The following LRRC63 variants were observed in gnomAD, a reference collection of about 807,000 sequenced individuals.
LRRC63 encodes leucine rich repeat containing 63, also known as leucine-rich repeat-containing protein 63.
LRRC63 carries 40 observed loss-of-function variants against 49.5 expected under a neutral mutation model. The observed-to-expected ratio is 0.81, with a 90% CI of 0.63 to 1.05. LRRC63 has a LOEUF of 1.05. Among genes scored for constraint, LRRC63 ranks in the 50% least tolerant of loss-of-function variants. The probability of loss-of-function intolerance (pLI) is 0.00; values close to 1 mark genes in which losing one functional copy is unlikely to be tolerated. For missense variants in LRRC63, 636 were observed against 663.1 expected, an observed-to-expected ratio of 0.96 and a Z score of 0.45; for synonymous variants, 191 against 221.1, an observed-to-expected ratio of 0.86 and a Z score of 1.21.
intron 2 of LRRC63, among the ~76,000 whole-genome samples, chr13:46,221,784 G>A (rs928571123): frequency 8.6e-6 from 1 of 115,700 alleles, no homozygotes; most frequent in African/African-American, 4.2e-5. Flanking sequence ...AAGAAAGAAG[G>A]GGACATTGGT....
chr13:46,231,614 A>G (rs2046758594), intron 4 of LRRC63, among the ~76,000 whole-genome samples: 1 of 151,808 alleles, frequency 6.6e-6, no homozygotes, highest in East Asian at 1.9e-4. Flanking sequence ...GGTTCAAGTG[A>G]TTCTCCTGCC....
At chr13:46,269,315 G>A (rs1291467838) in intron 9 of LRRC63, among the ~76,000 whole-genome samples, 1 of 151,974 alleles carries the variant, frequency 6.6e-6, no homozygotes, top group South Asian at 2.1e-4. Flanking sequence ...GCAAGGAAAG[G>A]CAAATCAACC....
intron 7 of LRRC63, among the ~76,000 whole-genome samples, chr13:46,258,228 C>T (rs779947417): frequency 9.5e-5 from 14 of 147,276 alleles, no homozygotes; most frequent in Non-Finnish European, 1.9e-4. Flanking sequence ...CTCCTAGGTT[C>T]GAGCAATTCT....
intron 7 of LRRC63, among the ~76,000 whole-genome samples, chr13:46,256,895 CA>C: frequency 6.6e-6 from 1 of 152,156 alleles, no homozygotes; most frequent in Non-Finnish European, 1.5e-5. Context: ...TAATGGTCCC[CA>C]AAGATGTTCA....
At chr13:46,219,701 A>C (rs1235859019) in intron 2 of LRRC63, among the ~76,000 whole-genome samples, 1 of 152,130 alleles carries the variant, frequency 6.6e-6, no homozygotes, top group Non-Finnish European at 1.5e-5. Flanking sequence ...TGGAATTTTC[A>C]GCCTTTTTGT....
intron 2 of LRRC63, among the ~76,000 whole-genome samples, chr13:46,225,171 T>G (rs1428011296): frequency 2.6e-5 from 4 of 152,330 alleles, no homozygotes; most frequent in African/African-American, 7.2e-5. Flanking sequence ...TGGGCTGGTG[T>G]TGGTGGTGGC....
chr13:46,217,616 C>T (rs2046289716), intron 2 of LRRC63, among the ~76,000 whole-genome samples: 1 of 152,164 alleles, frequency 6.6e-6, no homozygotes, highest in Non-Finnish European at 1.5e-5. Context: ...TTCAGTTCTG[C>T]TCTGATCTTA....
intron 2 of LRRC63, among the ~76,000 whole-genome samples, chr13:46,219,165 A>G (rs1053365550): frequency 6.6e-6 from 1 of 152,012 alleles, no homozygotes; most frequent in Non-Finnish European, 1.5e-5. Flanking sequence ...TAGGTTGGGG[A>G]AGTTCTCCTG....
At chr13:46,255,257 C>T (rs143667091) in intron 7 of LRRC63, among the ~76,000 whole-genome samples, 1 of 152,042 alleles carries the variant, frequency 6.6e-6, no homozygotes, top group East Asian at 1.9e-4. Context: ...TTACTGGGGG[C>T]TCAGGTATAG....
chr13:46,227,417 G>T, intron 2 of LRRC63, 95 bp from the exon 3 acceptor site: 1 of 797,084 alleles, frequency 1.3e-6, no homozygotes, highest in Non-Finnish European at 1.9e-6. Context: ...AGGTGAGAAA[G>T]GGGTGAGTGG....
At chr13:46,215,969 G>T (rs1225044594) in intron 2 of LRRC63, among the ~76,000 whole-genome samples, 1 of 152,032 alleles carries the variant, frequency 6.6e-6, no homozygotes, top group African/African-American at 2.4e-5. Context: ...CTGCTCCATT[G>T]GTCTCTATGT....
exon 10 of LRRC63, chr13:46,276,834 A>ATATATATATATATT (rs1431295082): frequency 6.6e-6 from 1 of 150,682 alleles, no homozygotes; most frequent in African/African-American, 3.0e-5. Flanking sequence ...GTGTGTATAT[A>ATATATATATATATT]TATATATATA....
At chr13:46,276,100 T>C (rs909887505) in intron 9 of LRRC63, among the ~76,000 whole-genome samples, 1 of 152,172 alleles carries the variant, frequency 6.6e-6, no homozygotes, top group African/African-American at 2.4e-5. Flanking sequence ...AATGTTAATG[T>C]ACTAATGGAT....
chr13:46,273,956 T>G (rs935522804), intron 9 of LRRC63, among the ~76,000 whole-genome samples: 1 of 141,962 alleles, frequency 7.0e-6, no homozygotes, highest in Non-Finnish European at 1.5e-5. Context: ...TAAAAAGAAA[T>G]AAATGGAGTT....
intron 7 of LRRC63, among the ~76,000 whole-genome samples, chr13:46,253,731 GA>G (rs1289281834): frequency 1.3e-5 from 2 of 152,118 alleles, no homozygotes; most frequent in Non-Finnish European, 2.9e-5. Flanking sequence ...AGGGTCAGGT[GA>G]AAATATTTAT....
intron 7 of LRRC63, among the ~76,000 whole-genome samples, chr13:46,254,980 T>A (rs1426724564): frequency 2.0e-5 from 3 of 152,206 alleles, no homozygotes; most frequent in African/African-American, 7.2e-5. Flanking sequence ...CCTAATTGTT[T>A]TTATTCGCAA....
In LRRC63 at chr13:46,240,126, CTT is replaced by C. The variant is rs35181820; in HGVS notation, c.990+5796_990+5797del. Among the ~76,000 whole-genome samples, 610 of 120,856 alleles carry C rather than the reference CTT, an allele frequency of 5.0e-3. 2 individuals are homozygous for C. Among genetic ancestry groups the C allele is most frequent in the African/African-American group, 0.016 (502 of 31,930 alleles). 79.3% of individuals were successfully genotyped at this position (120,856 alleles called of 152,430 possible). On this transcript the variant is annotated intron_variant, in intron 5 of 9. Transcript: ENST00000595396. ...ATACCCTCTATCTCTCTCTCTTTTT[CTT>C]TTTTTTTTTTTTTTTTTTGACGGAG...
intron 8 of LRRC63, 77 bp downstream of exon 8, chr13:46,262,069 C>A: frequency 4.6e-6 from 2 of 435,686 alleles, no homozygotes; most frequent in South Asian, 1.2e-4. Context: ...GAAAATCAAT[C>A]CTTTCATTTA....
At chr13:46,227,928 G>A (rs187668310) in exon 3 of LRRC63, 55 of 1,550,450 alleles carry the variant, frequency 3.5e-5, no homozygotes, top group East Asian at 2.4e-4. Context: ...CTCAGTTATC[G>A]CTCAAAAACT....
Sources: gnomAD v4.1 joint callset for allele counts (sites outside exome capture counted in the v4.1 genomes callset) on GRCh38, gnomAD v4.1.1 for gene constraint, MANE v1.5 for transcripts, NCBI Gene and HGNC (gene_info 2026-07-23, HGNC 2026-07-21) for gene names.